Variants in RASGRF2 observed in about 807,000 individuals in gnomAD.
The protein encoded by RASGRF2 is ras-specific guanine nucleotide-releasing factor 2.
A neutral mutation model predicts 151.0 loss-of-function variants in RASGRF2; 76 were observed. The ratio of observed to expected loss-of-function variants is 0.50; its 90% CI spans 0.42 to 0.61. The LOEUF is 0.61. Ranked by LOEUF, RASGRF2 falls within the 20% of genes least tolerant of loss-of-function variation. The probability of loss-of-function intolerance (pLI) is 0.00; values close to 1 mark genes in which losing one functional copy is unlikely to be tolerated. For synonymous variants in RASGRF2, 504 were observed against 566.5 expected (o/e 0.89, Z 1.57); for missense variants, 1,148 against 1,564.6 (o/e 0.73, Z 4.49).
intron 10 of RASGRF2, among the ~76,000 whole-genome samples, chr5:81,093,174 C>A (rs745337761): frequency 6.6e-6 from 1 of 152,104 alleles, no homozygotes; most frequent in Non-Finnish European, 1.5e-5. Context: ...GTATGCATCA[C>A]CATAAAGAAA....
intron 17 of RASGRF2, among the ~76,000 whole-genome samples, chr5:81,136,761 C>G (rs1048174755): frequency 6.6e-6 from 1 of 152,012 alleles, no homozygotes; most frequent in Non-Finnish European, 1.5e-5. Context: ...TTGAAATTGT[C>G]CCACAGTTCT....
At position 81,201,418 on chromosome 5, in the gene RASGRF2, G is replaced by T; in HGVS notation, c.2882G>T (p.Arg961Met). Residue 961 changes from arginine to methionine, a missense_variant, in exon 19 of 27, where the codon AGG becomes ATG. Physicochemically the swap from Arg to Met is moderately conservative, Grantham distance 91. This residue lies in a region of RASGRF2 where 646 missense variants were observed against 807.4 expected (regional missense o/e 0.80). Transcript: ENST00000265080. ...LRDPDLLPQE[R>M]KAAANILRAL... Reference sequence around the variant, plus strand: ...GACCCAGACCTTCTTCCCCAAGAAAGGAAAGCCGCCGCGAATATCCTCAGG... The same window carrying T: ...GACCCAGACCTTCTTCCCCAAGAAATGAAAGCCGCCGCGAATATCCTCAGG... 1 of 1,613,880 alleles carries T rather than the reference G, an allele frequency of 6.2e-7. No individual in the cohort carries two copies.
At chr5:81,059,853 A>G (rs1751363187) in intron 2 of RASGRF2, among the ~76,000 whole-genome samples, 1 of 152,056 alleles carries the variant, frequency 6.6e-6, no homozygotes, top group African/African-American at 2.4e-5. Flanking sequence ...AAAAACAAAA[A>G]ACAAAAAACA....
At chr5:80,980,385 A>G (rs1748259720) in intron 1 of RASGRF2, among the ~76,000 whole-genome samples, 1 of 152,140 alleles carries the variant, frequency 6.6e-6, no homozygotes, top group Non-Finnish European at 1.5e-5. Context: ...CATGCCTGTA[A>G]TCCCAGCATT....
chr5:81,123,699 A>C lies in RASGRF2; in HGVS notation c.2528A>C (p.Asp843Ala), dbSNP rs1753374677. Residue 843 changes from aspartate to alanine, a missense_variant, in exon 16 of 27, where the codon GAC becomes GCC. By Grantham distance (126) the Asp-to-Ala change is moderately radical. Coordinates refer to ENST00000265080, the MANE Select transcript of RASGRF2 (RefSeq NM_006909.3). ...GGAGTGGAAAGCTCCCCTGCAGCGG[A>C]CACCACAGAACTTTCACCTTGCAGA... ...RAGVESSPAADTTELSPCRSP... is the reference protein window; with the variant it reads ...RAGVESSPAAATTELSPCRSP... 6.2e-7 allele frequency: 1 copy of C among 1,614,030 alleles called. No homozygotes were observed. The highest frequency in any genetic ancestry group is 8.5e-7 in the Non-Finnish European group (1 of 1,179,974).
chr5:80,966,379 A>C (rs1348394631), intron 1 of RASGRF2, among the ~76,000 whole-genome samples: 2 of 152,148 alleles, frequency 1.3e-5, no homozygotes, highest in Non-Finnish European at 2.9e-5. Context: ...GTAAATAGTA[A>C]AATTTTATTG....
At position 81,029,672 on chromosome 5, in the gene RASGRF2, G is replaced by A. The variant is rs1021158360; in HGVS notation, c.289-13205G>A. ...ACGTCACCATCATCAAAGACCAAAG[G>A]TAGATAAAACCACAAAGATGGGGAG... On this transcript the variant is annotated intron_variant, in intron 1 of 26. Transcript: ENST00000265080. Among the ~76,000 whole-genome samples, 4 of 152,284 alleles carry A rather than the reference G, an allele frequency of 2.6e-5. No individual in the cohort carries two copies. In the East Asian group the frequency reaches 7.7e-4, roughly 29 times the overall value.
rs367867174 is a variant in RASGRF2 at position 81,020,413 on chromosome 5, T to G, written c.289-22464T>G. On this transcript the variant is annotated intron_variant, in intron 1 of 26. Transcript: ENST00000265080. ...CTGGATGACTACCTGCATGTGACTG[T>G]GTAGTCATCATCGTGTATGACTGCG... Among the ~76,000 whole-genome samples the G allele has an allele frequency of 2.8e-4, 42 of 152,342 alleles. No homozygotes were observed. The East Asian group carries it at 5.0e-3, about 18-fold the overall frequency.
rs1009950342 is a variant in RASGRF2, at chr5:81,087,359, G to A, written c.1390+406G>A. 8 of 702,552 alleles carry A rather than the reference G, an allele frequency of 1.1e-5. No homozygotes were observed. In the African/African-American group the frequency reaches 1.2e-4, roughly 11 times the overall value. The allele number at this position is 702,552 out of a possible 1,614,324, so 43.5% of individuals were successfully genotyped here. ...TCACATAAGACTGGGGACCATGTCC[G>A]AAGTGAAAACAGCTGTCTGTTGTTC... On this transcript the variant is annotated intron_variant, in intron 9 of 26. Coordinates refer to ENST00000265080, the MANE Select transcript of RASGRF2 (RefSeq NM_006909.3).
intron 18 of RASGRF2, among the ~76,000 whole-genome samples, chr5:81,196,699 C>T (rs999195103): frequency 2.7e-5 from 4 of 150,076 alleles, no homozygotes; most frequent in Non-Finnish European, 5.9e-5. Context: ...ACTAATTGAC[C>T]CTCAGCACGG....
At chr5:81,050,973 A>G (rs745469766) in intron 2 of RASGRF2, among the ~76,000 whole-genome samples, 7 of 152,140 alleles carry the variant, frequency 4.6e-5, no homozygotes, top group African/African-American at 7.2e-5. Flanking sequence ...AATCTTTACT[A>G]TATCAGTGGG....
At chr5:81,080,262 A>G in intron 6 of RASGRF2, 62 bp downstream of exon 6, 4 of 1,569,100 alleles carry the variant, frequency 2.5e-6, no homozygotes, top group Non-Finnish European at 3.4e-6. Context: ...AGAGTAAAAT[A>G]GCTCCAACAT....
intron 2 of RASGRF2, among the ~76,000 whole-genome samples, chr5:81,057,610 A>G (rs188814436): frequency 3.2e-4 from 49 of 152,310 alleles, no homozygotes; most frequent in Non-Finnish European, 6.3e-4. Context: ...ATGCTTCGGT[A>G]CACACATGCA....
intron 17 of RASGRF2, among the ~76,000 whole-genome samples, chr5:81,149,425 C>T (rs1336467990): frequency 1.3e-5 from 2 of 151,578 alleles, no homozygotes; most frequent in Non-Finnish European, 2.9e-5. Context: ...GGAGCCAAGC[C>T]ATGAGGATGC....
intron 1 of RASGRF2, among the ~76,000 whole-genome samples, chr5:80,974,796 A>G (rs184706211): frequency 6.0e-4 from 91 of 152,328 alleles, no homozygotes; most frequent in African/African-American, 2.0e-3. Flanking sequence ...AGTTGCCTGT[A>G]TGCCTTGTAA....
chr5:81,055,938 C>G (rs1373876940), intron 2 of RASGRF2, among the ~76,000 whole-genome samples: 2 of 152,146 alleles, frequency 1.3e-5, no homozygotes, highest in Non-Finnish European at 2.9e-5. Context: ...ATAGTATTCT[C>G]TGGTGGTAGT....
At chr5:81,197,818 G>GT (rs1229042895) in intron 18 of RASGRF2, among the ~76,000 whole-genome samples, 2 of 152,180 alleles carry the variant, frequency 1.3e-5, no homozygotes, top group African/African-American at 4.8e-5. Context: ...GTCTATCAGA[G>GT]TAAGATCCTC....
chr5:81,135,526 T>C (rs1182260704), intron 17 of RASGRF2, among the ~76,000 whole-genome samples: 1 of 152,228 alleles, frequency 6.6e-6, no homozygotes, highest in African/African-American at 2.4e-5. Context: ...GAATTACTCA[T>C]ACAATATGTG....
chr5:81,193,010 T>A (rs1755183416), intron 18 of RASGRF2, among the ~76,000 whole-genome samples: 1 of 152,228 alleles, frequency 6.6e-6, no homozygotes, highest in African/African-American at 2.4e-5. Context: ...TTCCAGATTT[T>A]AAAATTATTT....
Sources: gnomAD v4.1 joint callset for allele counts (sites outside exome capture counted in the v4.1 genomes callset) on GRCh38, gnomAD v4.1.1 for gene constraint, gnomAD v4.1.1 regional missense constraint, MANE v1.5 for transcripts, NCBI Gene and HGNC (gene_info 2026-07-23, HGNC 2026-07-21) for gene names.